Variants in ADGRL2 observed in about 807,000 individuals in gnomAD.
The protein encoded by ADGRL2 is calcium-independent alpha-latrotoxin receptor 2.
In ADGRL2, 44 loss-of-function variants were observed where a neutral mutation model predicts 157.4. The ratio of observed to expected loss-of-function variants is 0.28; its 90% CI spans 0.22 to 0.36. The LOEUF (loss-of-function observed/expected upper bound fraction) is 0.36, where lower values mean the gene tolerates loss of function less well. Ranked by LOEUF, ADGRL2 falls within the 10% of genes least tolerant of loss-of-function variation. ADGRL2 has a pLI of 1.00. For missense variants in ADGRL2, 1,510 were observed against 1,768.9 expected, an observed-to-expected ratio of 0.85 and a Z score of 2.63; for synonymous variants, 585 against 624.7, an observed-to-expected ratio of 0.94 and a Z score of 0.95.
intron 1 of ADGRL2, among the ~76,000 whole-genome samples, chr1:81,833,810 G>A (rs2092111496): frequency 6.6e-6 from 1 of 152,180 alleles, no homozygotes; most frequent in African/African-American, 2.4e-5. Flanking sequence ...GATATACACA[G>A]CTGAAGCATA....
chr1:81,769,985 TC>T (rs1415470040), intron 2 of ADGRL2, among the ~76,000 whole-genome samples: 1 of 151,882 alleles, frequency 6.6e-6, no homozygotes, highest in Admixed American at 6.6e-5. Context: ...TGCCTCAGCC[TC>T]CCAAGTAGCT....
intron 1 of ADGRL2, among the ~76,000 whole-genome samples, chr1:81,443,158 C>T (rs927391979): frequency 5.9e-5 from 9 of 152,184 alleles, no homozygotes; most frequent in African/African-American, 1.9e-4. Context: ...TGGTGGCTCA[C>T]ATCTGTAATC....
At chr1:81,357,096 T>C (rs1243740068) in intron 1 of ADGRL2, among the ~76,000 whole-genome samples, 1 of 151,998 alleles carries the variant, frequency 6.6e-6, no homozygotes, top group Non-Finnish European at 1.5e-5. Flanking sequence ...CCAAAGGCCT[T>C]ATGAGAAAGA....
chr1:81,743,012 C>A (rs146159628), intron 1 of ADGRL2, among the ~76,000 whole-genome samples: 49 of 151,688 alleles, frequency 3.2e-4, no homozygotes, highest in Non-Finnish European at 5.9e-4. Context: ...AGGGACAGGG[C>A]TTAGAGAATT....
intron 2 of ADGRL2, among the ~76,000 whole-genome samples, chr1:81,899,023 G>A (rs1282600136): frequency 6.6e-6 from 1 of 152,024 alleles, no homozygotes; most frequent in African/African-American, 2.4e-5. Context: ...GTGCTTCCTG[G>A]GACCCTCAAA....
intron 2 of ADGRL2, among the ~76,000 whole-genome samples, chr1:81,488,708 A>C (rs555790665): frequency 6.6e-6 from 1 of 151,836 alleles, no homozygotes; most frequent in African/African-American, 2.4e-5. Flanking sequence ...CCCTGTCTCA[A>C]AAAGGAGGAA....
chr1:81,505,740 C>CA (rs59062091), intron 2 of ADGRL2, among the ~76,000 whole-genome samples: 13,273 of 84,680 alleles, frequency 0.16, 1,093 homozygotes, highest in Middle Eastern at 0.2. Context: ...TGTCCTCCTG[C>CA]AAAAAAAAAA....
intron 1 of ADGRL2, among the ~76,000 whole-genome samples, chr1:81,329,789 A>G (rs999810751): frequency 1.3e-5 from 2 of 152,190 alleles, no homozygotes; most frequent in Admixed American, 1.3e-4. Context: ...CCAAAGCTTA[A>G]AAGAATCAGA....
intron 3 of ADGRL2, among the ~76,000 whole-genome samples, chr1:81,632,645 A>G (rs1026142403): frequency 4.0e-5 from 6 of 151,814 alleles, no homozygotes; most frequent in African/African-American, 9.7e-5. Context: ...TGTAGTCCCA[A>G]CTACTCGGGA....
In ADGRL2 at chr1:81,426,427, C is replaced by T. The variant is rs191839132; in HGVS notation, c.-301-18609C>T. On this transcript the variant is annotated intron_variant, in intron 1 of 24. Transcript: ENST00000370721. ...TAAAATACTCAGTAGATAGTGAACT[C>T]GAGTCGGAAGAGGTGAGTCCGGTCT... 2.8e-4 allele frequency: 103 copies of T among 363,220 alleles called. 1 individual carries two copies. The highest frequency in any genetic ancestry group is 1.6e-3 in the African/African-American group (76 of 46,086). The allele number at this position is 363,220 out of a possible 1,614,324, so 22.5% of individuals were successfully genotyped here.
chr1:81,514,019 G>A (rs995379450), intron 2 of ADGRL2: 1 of 152,172 alleles, frequency 6.6e-6, no homozygotes, highest in African/African-American at 2.4e-5. Flanking sequence ...ATTACTGAGG[G>A]TTGGGAAGTA....
At chr1:81,366,152 A>G (rs2076062782) in intron 1 of ADGRL2, among the ~76,000 whole-genome samples, 1 of 152,148 alleles carries the variant, frequency 6.6e-6, no homozygotes, top group Non-Finnish European at 1.5e-5. Flanking sequence ...TCTTTCAGTG[A>G]TGAATTTCTG....
chr1:81,686,522 C>G (rs2148973466), intron 3 of ADGRL2, among the ~76,000 whole-genome samples: 1 of 152,240 alleles, frequency 6.6e-6, no homozygotes, highest in Non-Finnish European at 1.5e-5. Context: ...TGGATTTTCT[C>G]TCTTCTTAGT....
intron 2 of ADGRL2, among the ~76,000 whole-genome samples, chr1:81,790,276 A>C (rs1247896698): frequency 6.6e-6 from 1 of 151,842 alleles, no homozygotes; most frequent in Non-Finnish European, 1.5e-5. Context: ...CACACACATG[A>C]ACACACACAA....
intron 2 of ADGRL2, among the ~76,000 whole-genome samples, chr1:81,550,755 A>G (rs2080126350): frequency 1.3e-5 from 2 of 152,140 alleles, no homozygotes; most frequent in Non-Finnish European, 2.9e-5. Context: ...ATCAGAAAGT[A>G]AATAGAATTT....
At position 81,722,655 on chromosome 1, in the gene ADGRL2, G is replaced by A. The variant is rs115371382; in HGVS notation, c.-143+22847G>A. The A allele has an allele frequency of 3.0e-3, 4,076 of 1,362,794 alleles. 98 individuals carry two copies. In the African/African-American group the frequency reaches 0.052, roughly 17 times the overall value. 84.4% of individuals were successfully genotyped at this position (1,362,794 alleles called of 1,614,324 possible). ...ATTACGATGAAGATGCTAGTACAAT[G>A]CTGAAAGAAGTTCAACCTAGGGCAC... On this transcript the variant is annotated intron_variant, in intron 1 of 20. Coordinates refer to the ADGRL2 transcript ENST00000359929.
intron 2 of ADGRL2, among the ~76,000 whole-genome samples, chr1:81,866,590 C>A: frequency 6.6e-6 from 1 of 151,998 alleles, no homozygotes; most frequent in Non-Finnish European, 1.5e-5. Context: ...AATTTACCTT[C>A]AGTTTTAAAT....
chr1:81,899,718 T>G (rs759146565), intron 2 of ADGRL2, among the ~76,000 whole-genome samples: 8 of 152,162 alleles, frequency 5.3e-5, no homozygotes, highest in Non-Finnish European at 8.8e-5. Context: ...TGCTTATTTT[T>G]TTGTTGTTGT....
chr1:81,810,902 G>A (rs534369193), intron 1 of ADGRL2, among the ~76,000 whole-genome samples: 4 of 151,754 alleles, frequency 2.6e-5, no homozygotes, highest in South Asian at 2.1e-4. Context: ...ACTTTTTTGC[G>A]CTTTTCAGAG....
Sources: gnomAD v4.1 joint callset for allele counts (sites outside exome capture counted in the v4.1 genomes callset) on GRCh38, gnomAD v4.1.1 for gene constraint, MANE v1.5 for transcripts, NCBI Gene and HGNC (gene_info 2026-07-23, HGNC 2026-07-21) for gene names.